Variants in STIMATE observed in about 807,000 individuals in gnomAD.
STIMATE encodes the protein store-operated calcium entry regulator STIMATE.
In STIMATE, 15 loss-of-function variants were observed where a neutral mutation model predicts 36.7. That is an observed-to-expected ratio of 0.41 (90% CI 0.27 to 0.63). STIMATE has a LOEUF of 0.63. Among genes scored for constraint, STIMATE ranks in the 20% least tolerant of loss-of-function variants. STIMATE has a pLI of 0.32. For missense variants in STIMATE, 305 were observed against 397.3 expected, an observed-to-expected ratio of 0.77 and a Z score of 1.98; for synonymous variants, 163 against 162.3, an observed-to-expected ratio of 1.00 and a Z score of -0.03.
chr3:52,878,060 C>T (rs1034584206), intron 1 of STIMATE, among the ~76,000 whole-genome samples: 3 of 150,212 alleles, frequency 2.0e-5, no homozygotes, highest in Non-Finnish European at 4.4e-5. Flanking sequence ...CGCCACTGCA[C>T]TCCAGCCTGG....
chr3:52,859,176 TAAATAA>T (rs1326627536), intron 1 of STIMATE, among the ~76,000 whole-genome samples: 36 of 141,878 alleles, frequency 2.5e-4, no homozygotes, highest in African/African-American at 8.4e-4. Context: ...AAAAATAAAA[TAAATAA>T]AATAAAATAA....
intron 1 of STIMATE, among the ~76,000 whole-genome samples, chr3:52,868,656 CTT>C (rs1701351773): frequency 6.6e-6 from 1 of 152,136 alleles, no homozygotes; most frequent in African/African-American, 2.4e-5. Context: ...GTGTTTTGCT[CTT>C]GTCGCTCAGG....
chr3:52,890,031 C>T (rs1056652822), intron 1 of STIMATE, among the ~76,000 whole-genome samples: 1 of 152,168 alleles, frequency 6.6e-6, no homozygotes, highest in African/African-American at 2.4e-5. Context: ...CTCTTACCAC[C>T]CCCTCCATGT....
At chr3:52,896,865 TGAA>T (rs1317514744) in intron 1 of STIMATE, among the ~76,000 whole-genome samples, 2 of 151,966 alleles carry the variant, frequency 1.3e-5, no homozygotes, top group Non-Finnish European at 2.9e-5. Flanking sequence ...GGCAGATCCT[TGAA>T]GAGTGAAGGG....
intron 1 of STIMATE, among the ~76,000 whole-genome samples, chr3:52,882,949 C>T (rs993811303): frequency 6.6e-6 from 1 of 152,162 alleles, no homozygotes; most frequent in African/African-American, 2.4e-5. Flanking sequence ...AAAACCACAT[C>T]CCTGCACTGC....
At chr3:52,896,482 G>T (rs1045135566) in intron 1 of STIMATE, among the ~76,000 whole-genome samples, 5 of 152,068 alleles carry the variant, frequency 3.3e-5, no homozygotes, top group Non-Finnish European at 7.4e-5. Flanking sequence ...CCCCCCATCA[G>T]CACACATGAG....
At chr3:52,876,453 A>G (rs1399728683) in intron 1 of STIMATE, among the ~76,000 whole-genome samples, 1 of 152,242 alleles carries the variant, frequency 6.6e-6, no homozygotes, top group African/African-American at 2.4e-5. Flanking sequence ...TAGAACACTT[A>G]AATCTACAGT....
At chr3:52,878,741 G>C (rs1701551371) in intron 1 of STIMATE, among the ~76,000 whole-genome samples, 1 of 152,186 alleles carries the variant, frequency 6.6e-6, no homozygotes, top group Admixed American at 6.5e-5. Context: ...AAGCTGGCTG[G>C]TTATGAAGCT....
At position 52,837,133 on chromosome 3, in the gene STIMATE, T is replaced by TCTA. The variant is rs1255419387; in HGVS notation, c.*3358_*3360dup. The TCTA allele has an allele frequency of 2.0e-5, 3 of 153,588 alleles. No homozygotes were observed. Among genetic ancestry groups the TCTA allele is most frequent in the Admixed American group, 1.3e-4 (2 of 15,454 alleles). The allele number at this position is 153,588 out of a possible 1,614,324, so 9.5% of individuals were successfully genotyped here. A position where few individuals can be genotyped will look rare whatever the true frequency, so the allele number is the denominator to read the frequency against. ...AAACTTCTAAAAGCCAGCCCCACAT[T>TCTA]CTACAAGGCAGCTGCTCTGGCCAGT... On this transcript the variant is annotated 3_prime_UTR_variant, in exon 8 of 8. Transcript: ENST00000355083.
intron 1 of STIMATE, among the ~76,000 whole-genome samples, chr3:52,878,489 C>T (rs1360126422): frequency 2.0e-5 from 3 of 151,384 alleles, no homozygotes; most frequent in African/African-American, 7.3e-5. Context: ...CCTGTGGTCC[C>T]GGCTGTACCA....
At chr3:52,896,240 C>T (rs1020180982) in intron 1 of STIMATE, among the ~76,000 whole-genome samples, 1 of 152,210 alleles carries the variant, frequency 6.6e-6, no homozygotes, top group African/African-American at 2.4e-5. Context: ...CTCCTGAGTA[C>T]CCCAAAGCAT....
chr3:52,846,351 T>C (rs1167805546), intron 4 of STIMATE: 1 of 152,220 alleles, frequency 6.6e-6, no homozygotes, highest in Non-Finnish European at 1.5e-5. Flanking sequence ...CCTAACCTTA[T>C]CGAGAACAGT....
At chr3:52,871,232 A>T (rs1260694942) in intron 1 of STIMATE, among the ~76,000 whole-genome samples, 1 of 152,166 alleles carries the variant, frequency 6.6e-6, no homozygotes, top group African/African-American at 2.4e-5. Flanking sequence ...CTTTTTAAAC[A>T]ACCCTCAAGG....
At chr3:52,845,142 T>G (rs528088211) in intron 4 of STIMATE, among the ~76,000 whole-genome samples, 1 of 152,318 alleles carries the variant, frequency 6.6e-6, no homozygotes, top group East Asian at 1.9e-4. Context: ...AGAGAATTCC[T>G]TATTTGAAGA....
chr3:52,862,759 T>C (rs1367652556), intron 1 of STIMATE, among the ~76,000 whole-genome samples: 2 of 152,188 alleles, frequency 1.3e-5, no homozygotes, highest in East Asian at 3.8e-4. Flanking sequence ...GCAGCCTTAT[T>C]TGGAGAAAAG....
intron 3 of STIMATE, among the ~76,000 whole-genome samples, 180 bp downstream of exon 3, chr3:52,852,423 A>G (rs374853409): frequency 2.0e-5 from 3 of 152,356 alleles, no homozygotes; most frequent in East Asian, 1.9e-4. Flanking sequence ...GCCAACTGAT[A>G]GCTGTGTAAG....
chr3:52,850,890 A>G (rs1256867584), intron 3 of STIMATE, among the ~76,000 whole-genome samples: 2 of 151,992 alleles, frequency 1.3e-5, no homozygotes, highest in Non-Finnish European at 2.9e-5. Flanking sequence ...CACCACACAC[A>G]GCTAATTTTT....
At chr3:52,872,742 C>A (rs1396704235) in intron 1 of STIMATE, among the ~76,000 whole-genome samples, 1 of 152,236 alleles carries the variant, frequency 6.6e-6, no homozygotes, top group African/African-American at 2.4e-5. Flanking sequence ...TCTCCTACCT[C>A]AGCCTCCTGA....
chr3:52,844,715 T>C lies in STIMATE; in HGVS notation c.540+114A>G, dbSNP rs771841540. ...CACATCAGACCAAATGCAGGACACA[T>C]TCATAGAGTTAAAACAAGTTTGGTT... On this transcript the variant is annotated intron_variant, in intron 5 of 7. Coordinates refer to ENST00000355083, the MANE Select transcript of STIMATE (RefSeq NM_198563.5). 176 of 1,115,000 alleles carry C rather than the reference T, an allele frequency of 1.6e-4. 1 individual carries two copies. Among genetic ancestry groups the C allele is most frequent in the Non-Finnish European group, 2.1e-4 (166 of 805,218 alleles). The allele number at this position is 1,115,000 out of a possible 1,614,324, so 69.1% of individuals were successfully genotyped here.
Sources: allele counts gnomAD v4.1 joint callset (sites outside exome capture counted in the v4.1 genomes callset), GRCh38; gene constraint gnomAD v4.1.1; transcripts MANE v1.5; gene names NCBI Gene and HGNC (gene_info 2026-07-23, HGNC 2026-07-21).